NELL2: variants seen among roughly 807,000 people sequenced by gnomAD.
The protein encoded by NELL2 is neural EGFL like 2, also known as protein kinase C-binding protein NELL2.
NELL2 carries 41 observed loss-of-function variants against 109.6 expected under a neutral mutation model. The ratio of observed to expected loss-of-function variants is 0.37; its 90% confidence interval spans 0.29 to 0.49. NELL2 has a LOEUF of 0.49. NELL2 is among the 20% of genes least tolerant of loss of function. The pLI is 0.98. For missense variants in NELL2, 900 were observed against 1,008.3 expected (o/e 0.89, Z 1.45); for synonymous variants, 355 against 344.7 (o/e 1.03, Z -0.33).
At chr12:44,859,720 C>T (rs370029141) in intron 2 of NELL2, among the ~76,000 whole-genome samples, 1 of 152,028 alleles carries the variant, frequency 6.6e-6, no homozygotes, top group Non-Finnish European at 1.5e-5. Flanking sequence ...AATAAGCCAA[C>T]GAGAGGTGGA....
At chr12:44,642,845 G>T (rs1215744986) in intron 13 of NELL2, among the ~76,000 whole-genome samples, 1 of 152,162 alleles carries the variant, frequency 6.6e-6, no homozygotes, top group African/African-American at 2.4e-5. Flanking sequence ...TCACGCCACT[G>T]CACTTCAGTC....
intron 11 of NELL2, among the ~76,000 whole-genome samples, chr12:44,705,016 CAAA>C (rs11380443): frequency 4.6e-4 from 48 of 103,268 alleles, no homozygotes; most frequent in Non-Finnish European, 6.2e-4. Context: ...AGGACTCCAT[CAAA>C]AAAAAAAAAA....
chr12:44,833,797 G>C (rs1943961478), intron 2 of NELL2, among the ~76,000 whole-genome samples: 1 of 152,148 alleles, frequency 6.6e-6, no homozygotes, highest in Non-Finnish European at 1.5e-5. Context: ...AAAGGTTTAT[G>C]GGAGGTCCTG....
chr12:44,695,365 G>GA (rs1443240614), intron 12 of NELL2, among the ~76,000 whole-genome samples: 8 of 150,592 alleles, frequency 5.3e-5, no homozygotes, highest in Non-Finnish European at 7.4e-5. Context: ...CCTTTCTAAA[G>GA]AAAAATCTTA....
In NELL2 at chr12:44,600,113, C is replaced by A. The variant is rs1158327335; in HGVS notation, c.1663+7056G>T. On this transcript the variant is annotated intron_variant, in intron 15 of 19. Transcript: ENST00000429094. The stretch of plus-strand genomic sequence containing the variant: ...AGTAGCTGGGACTGCAGGCGCCCGC[C>A]AGCACGCCCGGCTAATTTATTTATT... Among the ~76,000 whole-genome samples the A allele has an allele frequency of 8.0e-5, 12 of 150,736 alleles. No individual in the cohort carries two copies. In the East Asian group the frequency reaches 2.3e-3, roughly 30 times the overall value.
intron 13 of NELL2, among the ~76,000 whole-genome samples, chr12:44,663,415 T>C (rs1027713893): frequency 6.6e-6 from 1 of 152,116 alleles, no homozygotes; most frequent in Non-Finnish European, 1.5e-5. Context: ...AGCATAGAAA[T>C]AGTGGTGTTA....
At chr12:44,624,776 C>A (rs1007239336) in intron 13 of NELL2, among the ~76,000 whole-genome samples, 3 of 148,034 alleles carry the variant, frequency 2.0e-5, no homozygotes, top group Non-Finnish European at 4.5e-5. Flanking sequence ...CTCACTAATG[C>A]TCCTGCTTCT....
At chr12:44,591,172 C>T (rs10785509) in intron 15 of NELL2, among the ~76,000 whole-genome samples, 32,456 of 151,990 alleles carry the variant, frequency 0.21, 3,574 homozygotes, top group South Asian at 0.33. Flanking sequence ...AATACACTGC[C>T]GTTGGGAATA....
rs116214625 is a variant in NELL2, at chr12:44,831,580, T to G, written c.185-15444A>C. 9.4e-3 allele frequency among the ~76,000 whole-genome samples: 1,437 copies of G among 152,286 alleles called. 17 individuals carry two copies. Among genetic ancestry groups the G allele is most frequent in the African/African-American group, 0.032 (1,345 of 41,558 alleles). ...TACTTTTATCAGGGCACACATGGTTTCCCAGATAGAAACTTCATTCCCCTA... is the reference window on the plus strand; with the variant it reads ...TACTTTTATCAGGGCACACATGGTTGCCCAGATAGAAACTTCATTCCCCTA... On this transcript the variant is annotated intron_variant, in intron 2 of 19. Coordinates refer to ENST00000429094, the MANE Select transcript of NELL2 (RefSeq NM_001145108.2).
intron 15 of NELL2, among the ~76,000 whole-genome samples, chr12:44,567,058 C>T (rs1037628266): frequency 5.9e-5 from 9 of 152,144 alleles, no homozygotes; most frequent in African/African-American, 2.2e-4. Context: ...GATCCACCTG[C>T]CTTGGCATCC....
At chr12:44,610,997 C>T in intron 13 of NELL2, 27 bp from the exon 14 acceptor site, 3 of 1,607,040 alleles carry the variant, frequency 1.9e-6, no homozygotes, top group Non-Finnish European at 2.6e-6. Context: ...AATTTTGTTA[C>T]TCAAAGTTAT....
intron 1 of NELL2, among the ~76,000 whole-genome samples, chr12:44,906,878 T>A (rs187428896): frequency 2.0e-5 from 3 of 152,188 alleles, no homozygotes; most frequent in African/African-American, 7.2e-5. Flanking sequence ...AGTATGTAGA[T>A]GTCTCTTAAA....
chr12:44,761,362 C>T (rs897501835), intron 9 of NELL2, among the ~76,000 whole-genome samples: 4 of 151,980 alleles, frequency 2.6e-5, no homozygotes, highest in African/African-American at 9.7e-5. Context: ...GAGCGAAACT[C>T]CGTCTCAAAA....
intron 2 of NELL2, among the ~76,000 whole-genome samples, chr12:44,859,451 G>A (rs1334625618): frequency 6.6e-6 from 1 of 152,204 alleles, no homozygotes; most frequent in Non-Finnish European, 1.5e-5. Context: ...TGAGGTGGGA[G>A]AATCGCTTGA....
intron 15 of NELL2, among the ~76,000 whole-genome samples, chr12:44,576,131 G>T (rs4768559): frequency 0.85 from 128,701 of 152,164 alleles, 54,786 homozygotes; most frequent in East Asian, 1. Context: ...CAAATCTTCC[G>T]CTTCCTTTAG....
At chr12:44,575,875 A>G (rs1477858119) in intron 15 of NELL2, among the ~76,000 whole-genome samples, 2 of 152,228 alleles carry the variant, frequency 1.3e-5, no homozygotes, top group African/African-American at 4.8e-5. Context: ...ATCTGACCAT[A>G]CTTAAAATAT....
chr12:44,641,864 C>T (rs1399289218), intron 13 of NELL2, among the ~76,000 whole-genome samples: 4 of 151,838 alleles, frequency 2.6e-5, no homozygotes, highest in Admixed American at 1.3e-4. Context: ...GCCCGGCTAA[C>T]GTTTTGCATG....
intron 13 of NELL2, among the ~76,000 whole-genome samples, chr12:44,662,905 A>C (rs887020121): frequency 6.6e-5 from 10 of 152,180 alleles, no homozygotes; most frequent in Non-Finnish European, 1.5e-5. Context: ...ATGAGCTCGG[A>C]CACAAACATC....
chr12:44,835,711 A>G (rs932261770), intron 2 of NELL2, among the ~76,000 whole-genome samples: 5 of 152,232 alleles, frequency 3.3e-5, no homozygotes, highest in African/African-American at 1.2e-4. Flanking sequence ...ACTGATTTCA[A>G]TTCAGTACAT....
Sources: gnomAD v4.1 joint callset for allele counts (sites outside exome capture counted in the v4.1 genomes callset) on GRCh38, gnomAD v4.1.1 for gene constraint, MANE v1.5 for transcripts, NCBI Gene and HGNC (gene_info 2026-07-23, HGNC 2026-07-21) for gene names.